TMEM132D: variants seen among roughly 807,000 people sequenced by gnomAD.
TMEM132D encodes transmembrane protein 132D.
TMEM132D carries 21 observed loss-of-function variants against 62.3 expected under a neutral mutation model. That is an observed-to-expected ratio of 0.34 (90% CI 0.24 to 0.49). TMEM132D has a LOEUF of 0.49. TMEM132D is among the 20% of genes least tolerant of loss of function. The pLI is 0.99. For missense variants in TMEM132D, 1,346 were observed against 1,402.8 expected, an observed-to-expected ratio of 0.96 and a Z score of 0.65; for synonymous variants, 621 against 575.6, an observed-to-expected ratio of 1.08 and a Z score of -1.13.
chr12:129,899,484 T>C (rs1470748259), intron 1 of TMEM132D, among the ~76,000 whole-genome samples: 4 of 149,964 alleles, frequency 2.7e-5, no homozygotes, highest in Non-Finnish European at 5.9e-5. Flanking sequence ...GATGGATGGG[T>C]AGATGATGGA....
chr12:129,146,116 A>G (rs974823169), intron 5 of TMEM132D, among the ~76,000 whole-genome samples: 3 of 151,706 alleles, frequency 2.0e-5, no homozygotes, highest in African/African-American at 7.3e-5. Context: ...TTTAAGATCA[A>G]CTCTGTCAGT....
chr12:129,680,297 CT>C (rs1227255975), intron 2 of TMEM132D, among the ~76,000 whole-genome samples: 2 of 152,118 alleles, frequency 1.3e-5, no homozygotes, highest in Non-Finnish European at 2.9e-5. Flanking sequence ...TGGATGATCT[CT>C]TTTTTTATTA....
rs762791812 is a variant in TMEM132D at position 129,337,715 on chromosome 12, G to A, written c.1218C>T (p.Pro406=). 1.9e-6 allele frequency: 3 copies of A among 1,614,200 alleles called. No homozygotes were observed. The highest frequency in any genetic ancestry group is 2.2e-5 in the East Asian group (1 of 44,870). ...TQLVTWQVEY[P]GEITSDLGVS... ...CTCCCAAGTCAGACGTGATCTCTCCGGGGTACTCGACCTGCCACGTGACCA... is the reference window on the plus strand; with the variant it reads ...CTCCCAAGTCAGACGTGATCTCTCCAGGGTACTCGACCTGCCACGTGACCA... Residue 406 remains proline (P), a synonymous_variant, in exon 4 of 9, where the codon CCC becomes CCT. Transcript: ENST00000422113.
At chr12:129,687,318 TG>T (rs1565949131) in intron 2 of TMEM132D, among the ~76,000 whole-genome samples, 1 of 152,160 alleles carries the variant, frequency 6.6e-6, no homozygotes, top group African/African-American at 2.4e-5. Flanking sequence ...AACAAATTAA[TG>T]TCAATTTCCT....
chr12:129,439,801 T>C (rs983878181), intron 3 of TMEM132D, among the ~76,000 whole-genome samples: 3 of 152,170 alleles, frequency 2.0e-5, no homozygotes, highest in African/African-American at 7.2e-5. Context: ...ATTTTCCAAA[T>C]ATGTGCTGAC....
intron 1 of TMEM132D, among the ~76,000 whole-genome samples, chr12:129,748,643 C>T (rs1869896370): frequency 6.6e-6 from 1 of 152,000 alleles, no homozygotes. Context: ...TGGGTGGATC[C>T]CGATGGAGGA....
chr12:129,349,035 C>T (rs964184430), intron 3 of TMEM132D, among the ~76,000 whole-genome samples: 1 of 152,190 alleles, frequency 6.6e-6, no homozygotes, highest in Non-Finnish European at 1.5e-5. Context: ...TCCATGGATG[C>T]CATTTTACTT....
intron 2 of TMEM132D, among the ~76,000 whole-genome samples, chr12:129,652,763 G>C (rs1279158928): frequency 6.6e-6 from 1 of 152,182 alleles, no homozygotes; most frequent in Non-Finnish European, 1.5e-5. Flanking sequence ...AAGACAACAC[G>C]TTTGTGCTGC....
At chr12:129,506,688 C>T (rs940183113) in intron 3 of TMEM132D, among the ~76,000 whole-genome samples, 4 of 152,128 alleles carry the variant, frequency 2.6e-5, no homozygotes, top group Non-Finnish European at 4.4e-5. Context: ...CTTCATCTCT[C>T]ATTTTTATAC....
chr12:129,395,630 T>A (rs1041807397), intron 3 of TMEM132D, among the ~76,000 whole-genome samples: 4 of 151,548 alleles, frequency 2.6e-5, no homozygotes, highest in African/African-American at 9.7e-5. Context: ...TATATTTACA[T>A]ATAAAAAGGA....
chr12:129,354,798 C>T lies in TMEM132D; in HGVS notation c.1116-16981G>A, dbSNP rs188878880. Among the ~76,000 whole-genome samples the T allele has an allele frequency of 2.9e-3, 435 of 152,278 alleles. 3 individuals are homozygous for T. The highest frequency in any genetic ancestry group is 9.5e-3 in the African/African-American group (395 of 41,546). On this transcript the variant is annotated intron_variant, in intron 3 of 8. Transcript: ENST00000422113. Reference sequence around the variant, plus strand: ...TGTCCAGGGTTACCCAGCTAATAAACGGAGGAGTCAAGAGATCTGACAGCA... The same window carrying T: ...TGTCCAGGGTTACCCAGCTAATAAATGGAGGAGTCAAGAGATCTGACAGCA...
At chr12:129,824,272 C>G (rs150920208) in intron 1 of TMEM132D, among the ~76,000 whole-genome samples, 1 of 152,342 alleles carries the variant, frequency 6.6e-6, no homozygotes, top group Admixed American at 6.5e-5. Flanking sequence ...TACTACATAG[C>G]AGGCTCCATC....
At chr12:129,431,925 C>T (rs995148313) in intron 3 of TMEM132D, among the ~76,000 whole-genome samples, 3 of 152,180 alleles carry the variant, frequency 2.0e-5, no homozygotes, top group Non-Finnish European at 4.4e-5. Context: ...TTTCCTCTGT[C>T]TTTAGTGCTC....
At chr12:129,194,888 GA>G (rs1878504732) in intron 5 of TMEM132D, among the ~76,000 whole-genome samples, 1 of 152,152 alleles carries the variant, frequency 6.6e-6, no homozygotes, top group South Asian at 2.1e-4. Context: ...ACAACCAAGA[GA>G]GATGGCCCTC....
At chr12:129,352,837 G>A (rs549188224) in intron 3 of TMEM132D, among the ~76,000 whole-genome samples, 19 of 152,286 alleles carry the variant, frequency 1.2e-4, no homozygotes, top group Admixed American at 2.6e-4. Flanking sequence ...TTCAGCCATC[G>A]TGGAAGACAG....
At chr12:129,113,489 A>G (rs11060143) in intron 5 of TMEM132D, among the ~76,000 whole-genome samples, 22,419 of 152,156 alleles carry the variant, frequency 0.15, 2,800 homozygotes, top group African/African-American at 0.33. Flanking sequence ...CAAAATGGAA[A>G]CAAAAATATC....
intron 2 of TMEM132D, among the ~76,000 whole-genome samples, chr12:129,682,382 C>T (rs1880799195): frequency 6.6e-6 from 1 of 152,124 alleles, no homozygotes; most frequent in Non-Finnish European, 1.5e-5. Flanking sequence ...TCCCAAGTTG[C>T]ATAAGTAGTG....
intron 2 of TMEM132D, among the ~76,000 whole-genome samples, chr12:129,553,323 G>A (rs568723443): frequency 1.3e-5 from 2 of 152,256 alleles, no homozygotes; most frequent in South Asian, 2.1e-4. Context: ...TGTCAGGCTC[G>A]CCTTTCCCCT....
intron 4 of TMEM132D, among the ~76,000 whole-genome samples, chr12:129,313,585 A>G (rs77573307): frequency 0.013 from 1,910 of 151,788 alleles, 44 homozygotes; most frequent in African/African-American, 0.043. Context: ...ATATATATAT[A>G]TAAGTTTCTT....
Sources: allele counts gnomAD v4.1 joint callset (sites outside exome capture counted in the v4.1 genomes callset), GRCh38; gene constraint gnomAD v4.1.1; transcripts MANE v1.5; gene names NCBI Gene and HGNC (gene_info 2026-07-23, HGNC 2026-07-21).